Variants in TRA2A observed in about 807,000 individuals in gnomAD.
TRA2A encodes the protein transformer 2 alpha homolog.
TRA2A carries 31 observed loss-of-function variants against 45.7 expected under a neutral mutation model. That is an observed-to-expected ratio of 0.68 (90% CI 0.51 to 0.92). The LOEUF is 0.92. Among genes scored for constraint, TRA2A ranks in the 40% least tolerant of loss-of-function variants. The pLI, the probability that TRA2A is intolerant of heterozygous loss-of-function variation, is 0.00. For synonymous variants in TRA2A, 132 were observed against 126.2 expected (o/e 1.05, Z -0.31); for missense variants, 304 against 367.5 (o/e 0.83, Z 1.41).
chr7:23,507,225 G>A lies in TRA2A; in HGVS notation c.641+195C>T, dbSNP rs149753011. ...AAGTGATTCCTGTGCCTCAGCTCCCGAGCAGCTGGGATTACAGGCATGTGC... is the reference window on the plus strand; with the variant it reads ...AAGTGATTCCTGTGCCTCAGCTCCCAAGCAGCTGGGATTACAGGCATGTGC... On this transcript the variant is annotated intron_variant, in intron 5 of 7. Transcript: ENST00000297071. 2,287 of 535,840 alleles carry A rather than the reference G, an allele frequency of 4.3e-3. 50 individuals are homozygous for A. Among genetic ancestry groups the A allele is most frequent in the African/African-American group, 0.039 (2,070 of 53,060 alleles). The allele number at this position is 535,840 out of a possible 1,614,324, so 33.2% of individuals were successfully genotyped here. A position where few individuals can be genotyped will look rare whatever the true frequency, so the allele number is the denominator to read the frequency against.
In TRA2A at chr7:23,505,466, AG is replaced by A; in HGVS notation, c.*92del. The A allele has an allele frequency of 1.8e-6, 1 of 552,178 alleles. No individual in the cohort carries two copies. Among genetic ancestry groups the A allele is most frequent in the Non-Finnish European group, 3.2e-6 (1 of 308,374 alleles). The allele number at this position is 552,178 out of a possible 1,614,324, so 34.2% of individuals were successfully genotyped here. A position where few individuals can be genotyped will look rare whatever the true frequency, so the allele number is the denominator to read the frequency against. ...AACCAAAGTTTTTTTCTTAAGGAGT[AG>A]GAAGAATCCACAGCTTGGGGAAATC... On this transcript the variant is annotated 3_prime_UTR_variant, in exon 8 of 8. Coordinates refer to ENST00000297071, the MANE Select transcript of TRA2A (RefSeq NM_013293.5).
chr7:23,516,595 G>C, intron 2 of TRA2A, 67 bp from the exon 3 acceptor site: 3 of 1,445,548 alleles, frequency 2.1e-6, no homozygotes, highest in Non-Finnish European at 2.9e-6. Context: ...CCTCTTCCAA[G>C]AAGGTATACA....
At chr7:23,515,819 T>A (rs553098644) in intron 3 of TRA2A, among the ~76,000 whole-genome samples, 1 of 151,818 alleles carries the variant, frequency 6.6e-6, no homozygotes, top group African/African-American at 2.4e-5. Context: ...GTGCTGGGAT[T>A]ACAGGTGTGA....
chr7:23,505,507 A>G lies in TRA2A; in HGVS notation c.*52T>C. On this transcript the variant is annotated 3_prime_UTR_variant, in exon 8 of 8. Transcript: ENST00000297071. ...TTGGGGAAATCTCAGAATTAAAAAA[A>G]AAAAAAAAAAAAAGAGGAAAAAAAA... 1 of 536,726 alleles carries G rather than the reference A, an allele frequency of 1.9e-6. No individual in the cohort carries two copies. Among genetic ancestry groups the G allele is most frequent in the Non-Finnish European group, 3.4e-6 (1 of 297,920 alleles). The allele number at this position is 536,726 out of a possible 1,614,324, so 33.2% of individuals were successfully genotyped here.
intron 2 of TRA2A, among the ~76,000 whole-genome samples, chr7:23,519,122 G>A (rs569832698): frequency 5.9e-5 from 9 of 152,162 alleles, no homozygotes; most frequent in African/African-American, 1.9e-4. Context: ...GGCCGGGCAC[G>A]GTGGCTCACG....
chr7:23,507,302 C>T, intron 5 of TRA2A, 118 bp downstream of exon 5: 3 of 758,432 alleles, frequency 4.0e-6, no homozygotes, highest in Non-Finnish European at 6.6e-6. Flanking sequence ...AGGGTTTTGC[C>T]ATGTTGCCCC....
intron 7 of TRA2A, 68 bp from the exon 8 acceptor site, chr7:23,505,637 T>C (rs549302106): frequency 5.1e-6 from 3 of 588,392 alleles, no homozygotes; most frequent in East Asian, 6.3e-5. Flanking sequence ...ATTTGCCTCA[T>C]ATTTTTCCAA....
intron 1 of TRA2A, among the ~76,000 whole-genome samples, chr7:23,523,458 A>G (rs1434002718): frequency 6.6e-6 from 1 of 152,188 alleles, no homozygotes; most frequent in Admixed American, 6.6e-5. Flanking sequence ...TAATTATCTC[A>G]ATTTCACAGA....
In TRA2A at chr7:23,507,403, G is replaced by A; in HGVS notation, c.641+17C>T. 6.3e-7 allele frequency: 1 copy of A among 1,594,906 alleles called. No individual in the cohort carries two copies. Among genetic ancestry groups the A allele is most frequent in the Non-Finnish European group, 8.6e-7 (1 of 1,164,210 alleles). On this transcript the variant is annotated intron_variant, in intron 5 of 7. Transcript: ENST00000297071. The stretch of plus-strand genomic sequence containing the variant: ...TGGTGGATTTCATAGTTTAGCTTAG[G>A]AAACTTGAACTCTTACTGAGTTGGT...
In TRA2A at chr7:23,531,580, G is replaced by A. The variant is rs1790586862; in HGVS notation, c.36+209C>T. On this transcript the variant is annotated intron_variant, in intron 1 of 7. Transcript: ENST00000297071. ...GACCCAGAAGTCCAGGTATCAGTCA[G>A]CCTCCAAAAAAGGGGGAGGGGTGTT... 3 of 607,144 alleles carry A rather than the reference G, an allele frequency of 4.9e-6. No homozygotes were observed. In the South Asian group the frequency reaches 6.0e-5, roughly 12 times the overall value. The allele number at this position is 607,144 out of a possible 1,614,324, so 37.6% of individuals were successfully genotyped here.
At chr7:23,519,756 A>G (rs1790049905) in intron 2 of TRA2A, among the ~76,000 whole-genome samples, 1 of 152,240 alleles carries the variant, frequency 6.6e-6, no homozygotes, top group Non-Finnish European at 1.5e-5. Context: ...AATAAAACTA[A>G]TGAGGAAAGA....
rs1486592162 is a variant in TRA2A at position 23,506,214 on chromosome 7, T to TGCCACCACCTCCACCTCCACC, written c.673_693dup (p.Gly225_Gly231dup). 6.2e-7 allele frequency: 1 copy of TGCCACCACCTCCACCTCCACC among 1,613,524 alleles called. No individual in the cohort carries two copies. Among genetic ancestry groups the TGCCACCACCTCCACCTCCACC allele is most frequent in the Admixed American group, 1.7e-5 (1 of 59,970 alleles). On this transcript the variant is annotated inframe_insertion, in exon 6 of 8. Coordinates refer to ENST00000297071, the MANE Select transcript of TRA2A (RefSeq NM_013293.5). ...CTATCATAGTAAGAATCTCGACGTC[T>TGCCACCACCTCCACCTCCACC]GCCACCACCTCCACCTCCACCGCCG...
intron 4 of TRA2A, among the ~76,000 whole-genome samples, chr7:23,508,134 C>T (rs767113032): frequency 6.6e-6 from 1 of 152,040 alleles, no homozygotes; most frequent in African/African-American, 2.4e-5. Flanking sequence ...TATAAACAGA[C>T]AAGAACAAAT....
intron 1 of TRA2A, among the ~76,000 whole-genome samples, chr7:23,525,326 T>C (rs1312872488): frequency 6.6e-6 from 1 of 152,214 alleles, no homozygotes; most frequent in African/African-American, 2.4e-5. Flanking sequence ...AAAAGATTGC[T>C]GGGAATGGGT....
intron 4 of TRA2A, among the ~76,000 whole-genome samples, chr7:23,512,077 T>G (rs1046217537): frequency 1.3e-5 from 2 of 152,218 alleles, no homozygotes; most frequent in Non-Finnish European, 2.9e-5. Flanking sequence ...TAAACACATA[T>G]AGCTCACTTT....
chr7:23,528,041 C>G (rs1790410119), intron 1 of TRA2A, among the ~76,000 whole-genome samples: 1 of 152,140 alleles, frequency 6.6e-6, no homozygotes, highest in African/African-American at 2.4e-5. Flanking sequence ...TAGGTTAACA[C>G]TATCCCTACT....
At chr7:23,518,088 A>G (rs959449378) in intron 2 of TRA2A, among the ~76,000 whole-genome samples, 36 of 151,698 alleles carry the variant, frequency 2.4e-4, no homozygotes, top group South Asian at 1.5e-3. Context: ...ACAGGCATGC[A>G]CCACCATGCC....
chr7:23,518,393 G>T (rs1347633604), intron 2 of TRA2A, among the ~76,000 whole-genome samples: 1 of 152,162 alleles, frequency 6.6e-6, no homozygotes, highest in Non-Finnish European at 1.5e-5. Flanking sequence ...CCAGGCTGGA[G>T]TGCAATGGCA....
rs185621937 is a variant in TRA2A, at chr7:23,528,061, A to G, written c.36+3728T>C. On this transcript the variant is annotated intron_variant, in intron 1 of 7. Coordinates refer to ENST00000297071, the MANE Select transcript of TRA2A (RefSeq NM_013293.5). ...TAACACTATCCCTACTATAAGAAAGAAAGCTTTACCCTTATGTAAGGTCAA... is the reference window on the plus strand; with the variant it reads ...TAACACTATCCCTACTATAAGAAAGGAAGCTTTACCCTTATGTAAGGTCAA... Among the ~76,000 whole-genome samples the G allele has an allele frequency of 2.0e-5, 3 of 152,222 alleles. No individual in the cohort carries two copies. In the East Asian group the frequency reaches 5.8e-4, roughly 29 times the overall value.
Sources: allele counts gnomAD v4.1 joint callset (sites outside exome capture counted in the v4.1 genomes callset), GRCh38; gene constraint gnomAD v4.1.1; transcripts MANE v1.5; gene names NCBI Gene and HGNC (gene_info 2026-07-23, HGNC 2026-07-21).